The following PRDM16 variants were observed in gnomAD, a reference collection of about 807,000 sequenced individuals.
The protein encoded by PRDM16 is histone-lysine N-methyltransferase PRDM16.
A neutral mutation model predicts 110.6 loss-of-function variants in PRDM16; 23 were observed. The ratio of observed to expected loss-of-function variants is 0.21; its 90% CI spans 0.15 to 0.29. PRDM16 has a LOEUF of 0.29. PRDM16 is among the 10% of genes least tolerant of loss of function. The pLI is 1.00. For synonymous variants in PRDM16, 799 were observed against 781.8 expected, an observed-to-expected ratio of 1.02 and a Z score of -0.37; for missense variants, 1,615 against 1,794.3, an observed-to-expected ratio of 0.90 and a Z score of 1.81.
At chr1:3,279,666 C>T (rs1179996846) in intron 3 of PRDM16, among the ~76,000 whole-genome samples, 1 of 152,252 alleles carries the variant, frequency 6.6e-6, no homozygotes, top group Non-Finnish European at 1.5e-5. Flanking sequence ...CAGGGAGAGT[C>T]TGTGCTGCAG....
chr1:3,419,254 T>TTCCAC (rs1478873439), intron 12 of PRDM16, among the ~76,000 whole-genome samples: 1 of 152,152 alleles, frequency 6.6e-6, no homozygotes, highest in African/African-American at 2.4e-5. Flanking sequence ...CACTGAGGGA[T>TTCCAC]TCCACGGGGT....
intron 2 of PRDM16, among the ~76,000 whole-genome samples, chr1:3,233,225 G>A (rs2817160): frequency 0.27 from 41,462 of 152,028 alleles, 8,748 homozygotes; most frequent in African/African-American, 0.58. Flanking sequence ...GTGGCCGCGC[G>A]GTGCCTAGCA....
chr1:3,097,652 C>A (rs1642435890), intron 1 of PRDM16, among the ~76,000 whole-genome samples: 1 of 152,236 alleles, frequency 6.6e-6, no homozygotes, highest in Admixed American at 6.5e-5. Context: ...CCCCACAGCC[C>A]CTCTGGGGGT....
intron 1 of PRDM16, among the ~76,000 whole-genome samples, chr1:3,181,806 ACGG>A (rs1644207011): frequency 3.8e-5 from 5 of 132,316 alleles, no homozygotes; most frequent in South Asian, 5.0e-4. Context: ...AGTCTTACAC[ACGG>A]TCTTACACAT....
chr1:3,263,346 C>A (rs1047385878), intron 3 of PRDM16, among the ~76,000 whole-genome samples: 5 of 152,208 alleles, frequency 3.3e-5, no homozygotes, highest in Non-Finnish European at 5.9e-5. Context: ...AATTCTGGGG[C>A]CATCCCAAGT....
At chr1:3,416,798 C>T (rs1242805577) in intron 10 of PRDM16, among the ~76,000 whole-genome samples, 2 of 152,228 alleles carry the variant, frequency 1.3e-5, no homozygotes, top group Admixed American at 6.5e-5. Flanking sequence ...GGTGCCGAGG[C>T]CCGGGGTTTG....
intron 1 of PRDM16, among the ~76,000 whole-genome samples, chr1:3,070,205 C>G (rs1363119010): frequency 1.3e-5 from 2 of 151,706 alleles, no homozygotes; most frequent in African/African-American, 4.8e-5. Flanking sequence ...GCCCGGTCCT[C>G]GGTCTTACTT....
At chr1:3,163,359 A>G (rs1437691981) in intron 1 of PRDM16, among the ~76,000 whole-genome samples, 1 of 152,164 alleles carries the variant, frequency 6.6e-6, no homozygotes, top group Non-Finnish European at 1.5e-5. Context: ...CTAGTGGGTC[A>G]GTCAGCACAA....
intron 3 of PRDM16, among the ~76,000 whole-genome samples, chr1:3,374,291 C>T (rs1642956224): frequency 6.6e-6 from 1 of 152,222 alleles, no homozygotes; most frequent in Non-Finnish European, 1.5e-5. Context: ...GCAACGGCAC[C>T]CAGGGCGCCC....
chr1:3,120,243 C>A (rs960252093), intron 1 of PRDM16, among the ~76,000 whole-genome samples: 1 of 152,236 alleles, frequency 6.6e-6, no homozygotes, highest in Non-Finnish European at 1.5e-5. Context: ...CATATCACAT[C>A]GTTCCACAAA....
intron 1 of PRDM16, among the ~76,000 whole-genome samples, chr1:3,170,057 A>AT (rs35945121): frequency 1.3e-5 from 2 of 151,156 alleles, no homozygotes; most frequent in Non-Finnish European, 3.0e-5. Context: ...AAATTAATGA[A>AT]TTTTTTTTTT....
chr1:3,399,285 C>T (rs924450659), intron 5 of PRDM16, among the ~76,000 whole-genome samples: 2 of 152,184 alleles, frequency 1.3e-5, no homozygotes, highest in Admixed American at 6.5e-5. Context: ...CCAGCCAGAT[C>T]GTGAGATCAG....
chr1:3,069,346 G>C lies in PRDM16; in HGVS notation c.37+50G>C, dbSNP rs781404442. ...CCGCGCCGCCGGGGCCCGGGCCGCC[G>C]GGCCGGGGCGCCCGGGCCAGGGGTG... On this transcript the variant is annotated intron_variant, in intron 1 of 16. Coordinates refer to ENST00000270722, the MANE Select transcript of PRDM16 (RefSeq NM_022114.4). This position sits in a 1 kb window ranked among gnomAD's most constrained non-coding sequence, Gnocchi z 6.1. 3.1e-6 allele frequency: 3 copies of C among 960,104 alleles called. No homozygotes were observed. Among genetic ancestry groups the C allele is most frequent in the East Asian group, 1.1e-4 (1 of 9,008 alleles). 59.5% of individuals were successfully genotyped at this position (960,104 alleles called of 1,614,324 possible). A position where few individuals can be genotyped will look rare whatever the true frequency, so the allele number is the denominator to read the frequency against.
At chr1:3,094,535 GC>G (rs1426954211) in intron 1 of PRDM16, among the ~76,000 whole-genome samples, 2 of 152,196 alleles carry the variant, frequency 1.3e-5, no homozygotes, top group African/African-American at 2.4e-5. Flanking sequence ...GCCCTTCTAA[GC>G]CCCCAGCAGG....
chr1:3,197,921 G>A (rs916903605), intron 2 of PRDM16, among the ~76,000 whole-genome samples: 2 of 152,300 alleles, frequency 1.3e-5, no homozygotes, highest in Admixed American at 6.5e-5. Context: ...CTGCCCTCCC[G>A]CCAGGCCTGC....
chr1:3,125,831 C>T (rs1557466317), intron 1 of PRDM16, among the ~76,000 whole-genome samples: 1 of 152,216 alleles, frequency 6.6e-6, no homozygotes, highest in Non-Finnish European at 1.5e-5. Flanking sequence ...CAGGTCCCTG[C>T]ACTGGCCCGA....
chr1:3,321,214 A>C (rs1641733920), intron 3 of PRDM16, among the ~76,000 whole-genome samples: 1 of 150,822 alleles, frequency 6.6e-6, no homozygotes, highest in African/African-American at 2.5e-5. Context: ...GGGTGGGCTG[A>C]TGGGGGAGCA....
chr1:3,346,430 G>A (rs1314594641), intron 3 of PRDM16, among the ~76,000 whole-genome samples: 1 of 152,174 alleles, frequency 6.6e-6, no homozygotes, highest in Non-Finnish European at 1.5e-5. Flanking sequence ...CAAAGCACAG[G>A]GCGGAACACT....
chr1:3,363,159 C>G (rs937199434), intron 3 of PRDM16, among the ~76,000 whole-genome samples: 1 of 152,144 alleles, frequency 6.6e-6, no homozygotes, highest in Non-Finnish European at 1.5e-5. Flanking sequence ...GTCCTCCAGC[C>G]CGGGGGTCGG....
Sources: allele counts gnomAD v4.1 joint callset (sites outside exome capture counted in the v4.1 genomes callset), GRCh38; gene constraint gnomAD v4.1.1; non-coding constraint Gnocchi (gnomAD v3.1); transcripts MANE v1.5; gene names NCBI Gene and HGNC (gene_info 2026-07-23, HGNC 2026-07-21).